The following CMSS1 variants were observed in gnomAD, a reference collection of about 807,000 sequenced individuals.
CMSS1 encodes the protein protein CMSS1.
CMSS1 carries 33 observed loss-of-function variants against 43.5 expected under a neutral mutation model. The ratio of observed to expected loss-of-function variants is 0.76; its 90% CI spans 0.57 to 1.01. The LOEUF is 1.01. Ranked by LOEUF, CMSS1 falls within the 50% of genes least tolerant of loss-of-function variation. The pLI is 0.00. For missense variants in CMSS1, 313 were observed against 326.4 expected, an observed-to-expected ratio of 0.96 and a Z score of 0.32; for synonymous variants, 115 against 117.2, an observed-to-expected ratio of 0.98 and a Z score of 0.12.
At chr3:100,094,504 A>G (rs2066167620) in intron 1 of CMSS1, among the ~76,000 whole-genome samples, 1 of 152,008 alleles carries the variant, frequency 6.6e-6, no homozygotes. Flanking sequence ...CTTTGTCTAG[A>G]CAGAGATCCC....
At chr3:100,067,732 G>C (rs2065690903) in intron 1 of CMSS1, among the ~76,000 whole-genome samples, 1 of 151,950 alleles carries the variant, frequency 6.6e-6, no homozygotes, top group Admixed American at 6.6e-5. Flanking sequence ...ACACTGAGTA[G>C]GTGCTAAATA....
intron 1 of CMSS1, among the ~76,000 whole-genome samples, chr3:99,966,607 T>A (rs1188994806): frequency 6.6e-6 from 1 of 152,200 alleles, no homozygotes; most frequent in Non-Finnish European, 1.5e-5. Flanking sequence ...TCAGAACCCT[T>A]CGCTCTGTAT....
intron 1 of CMSS1, among the ~76,000 whole-genome samples, chr3:99,997,188 T>C (rs757156409): frequency 5.3e-5 from 8 of 152,126 alleles, no homozygotes; most frequent in Non-Finnish European, 8.8e-5. Context: ...GTTGGTTCTT[T>C]GAAAGGATAA....
chr3:99,818,006 G>A lies in CMSS1; in HGVS notation c.27G>A (p.Trp9Ter), dbSNP rs1942354691. 1 of 1,614,028 alleles carries A rather than the reference G, an allele frequency of 6.2e-7. No homozygotes were observed. Among genetic ancestry groups the A allele is most frequent in the Non-Finnish European group, 8.5e-7 (1 of 1,180,014 alleles). MADDLGDEWWENQPTGAGS... is the reference protein window; with the variant it reads MADDLGDE Reference sequence around the variant, plus strand: ...TGGCAGACGATCTCGGAGACGAGTGGTGGGAGAACCAGCCGACTGGAGCAG... The same window carrying A: ...TGGCAGACGATCTCGGAGACGAGTGATGGGAGAACCAGCCGACTGGAGCAG... The change falls in exon 1 of 10, where the codon TGG (tryptophan) becomes TGA (stop). Residue 9 changes from tryptophan to a stop codon, truncating the protein, a stop_gained. Transcript: ENST00000421999. LOFTEE classifies it high-confidence loss of function.
At chr3:100,021,110 C>T (rs894352162) in intron 1 of CMSS1, among the ~76,000 whole-genome samples, 2 of 152,128 alleles carry the variant, frequency 1.3e-5, no homozygotes, top group African/African-American at 4.8e-5. Context: ...TTTTCAAGGC[C>T]GGTCAATTGC....
At chr3:100,141,618 C>G (rs1559769689) in intron 1 of CMSS1, 1 of 450,900 alleles carries the variant, frequency 2.2e-6, no homozygotes, top group South Asian at 1.6e-5. Context: ...AGATACTTAT[C>G]AAAAAGAAGA....
rs74343709 is a variant in CMSS1 at position 99,979,753 on chromosome 3, G to A, written c.64+161710G>A. Reference sequence around the variant, plus strand: ...TGATAATATTCATGGCATTGCTCTAGTATTGTAAGGATATAAAGAGGAATG... The same window carrying A: ...TGATAATATTCATGGCATTGCTCTAATATTGTAAGGATATAAAGAGGAATG... On this transcript the variant is annotated intron_variant, in intron 1 of 9. Transcript: ENST00000421999. Among the ~76,000 whole-genome samples the A allele has an allele frequency of 4.3e-3, 656 of 152,228 alleles. 7 individuals are homozygous for A. The highest frequency in any genetic ancestry group is 0.015 in the African/African-American group (643 of 41,540).
intron 6 of CMSS1, among the ~76,000 whole-genome samples, chr3:100,171,062 G>C (rs2067105775): frequency 1.3e-5 from 2 of 152,036 alleles, no homozygotes; most frequent in Admixed American, 1.3e-4. Context: ...CCCCTTTACG[G>C]GGGGCATCAC....
At chr3:100,175,922 C>T (rs966195529) in intron 8 of CMSS1, among the ~76,000 whole-genome samples, 2 of 152,190 alleles carry the variant, frequency 1.3e-5, no homozygotes, top group Non-Finnish European at 2.9e-5. Flanking sequence ...TCTTTCTCCC[C>T]ACTCACCTCC....
chr3:99,946,993 G>A (rs1310341176), intron 1 of CMSS1, among the ~76,000 whole-genome samples: 1 of 151,784 alleles, frequency 6.6e-6, no homozygotes, highest in Admixed American at 6.6e-5. Flanking sequence ...AAAAATTAGC[G>A]GGGCGTGGTG....
chr3:100,016,151 G>C (rs1242046012), intron 1 of CMSS1, among the ~76,000 whole-genome samples: 1 of 152,114 alleles, frequency 6.6e-6, no homozygotes, highest in African/African-American at 2.4e-5. Flanking sequence ...CTCCTAGACA[G>C]TTTCTGAGTG....
At chr3:99,863,862 TC>T (rs1944380791) in intron 1 of CMSS1, among the ~76,000 whole-genome samples, 1 of 152,168 alleles carries the variant, frequency 6.6e-6, no homozygotes, top group Non-Finnish European at 1.5e-5. Context: ...TCTTATGCTC[TC>T]CCCTTTTTAC....
chr3:99,974,212 G>A (rs1185090110), intron 1 of CMSS1, among the ~76,000 whole-genome samples: 1 of 152,194 alleles, frequency 6.6e-6, no homozygotes, highest in Non-Finnish European at 1.5e-5. Flanking sequence ...TATCATTGAA[G>A]GACTTGTCGT....
At chr3:100,086,883 C>T (rs4928152) in intron 1 of CMSS1, among the ~76,000 whole-genome samples, 7,076 of 152,192 alleles carry the variant, frequency 0.046, 249 homozygotes, top group South Asian at 0.075. Flanking sequence ...TATTCTCAAC[C>T]CCTAGTAACT....
intron 1 of CMSS1, among the ~76,000 whole-genome samples, chr3:100,078,321 C>T (rs1005104465): frequency 1.3e-5 from 2 of 152,110 alleles, no homozygotes; most frequent in Non-Finnish European, 2.9e-5. Flanking sequence ...CCAGAGAAAA[C>T]GTAGAACTTT....
chr3:99,931,008 C>T lies in CMSS1; in HGVS notation c.64+112965C>T, dbSNP rs1707465465. 27 of 1,613,504 alleles carry T rather than the reference C, an allele frequency of 1.7e-5. 1 individual carries two copies. The highest frequency in any genetic ancestry group is 2.1e-5 in the Non-Finnish European group (25 of 1,179,860). On this transcript the variant is annotated intron_variant, in intron 1 of 9. Transcript: ENST00000421999. ...TGGGCTGAGCCCTCGGTATCACTGCCTCTGGAACGCATTCTTTAAAGCCTG... is the reference window on the plus strand; with the variant it reads ...TGGGCTGAGCCCTCGGTATCACTGCTTCTGGAACGCATTCTTTAAAGCCTG...
rs571149604 is a variant in CMSS1 at position 99,908,947 on chromosome 3, A to G, written c.64+90904A>G. ...AGGGATTTAGTTAAAATTCTGTGTG[A>G]GATTACTCTGACCCCATTTACTCTT... On this transcript the variant is annotated intron_variant, in intron 1 of 9. Transcript: ENST00000421999. 2.0e-5 allele frequency among the ~76,000 whole-genome samples: 3 copies of G among 152,256 alleles called. No individual in the cohort carries two copies. In the East Asian group the frequency reaches 5.8e-4, roughly 29 times the overall value.
At chr3:99,896,132 G>T (rs1706244333) in intron 1 of CMSS1, among the ~76,000 whole-genome samples, 1 of 152,164 alleles carries the variant, frequency 6.6e-6, no homozygotes, top group African/African-American at 2.4e-5. Context: ...AGGGAAAACA[G>T]AAGTGTGAAT....
chr3:100,142,978 G>A (rs114956773), intron 1 of CMSS1, among the ~76,000 whole-genome samples: 1,692 of 152,174 alleles, frequency 0.011, 29 homozygotes, highest in African/African-American at 0.038. Flanking sequence ...TGTAAGACAA[G>A]GTAAAATTAT....
Sources: allele counts gnomAD v4.1 joint callset (sites outside exome capture counted in the v4.1 genomes callset), GRCh38; gene constraint gnomAD v4.1.1; transcripts MANE v1.5; gene names NCBI Gene and HGNC (gene_info 2026-07-23, HGNC 2026-07-21).